Variants in AKAP6 observed in about 807,000 individuals in gnomAD.
AKAP6 encodes A-kinase anchor protein 6.
In AKAP6, 58 loss-of-function variants were observed where a neutral mutation model predicts 188.5. That is an observed-to-expected ratio of 0.31 (90% CI 0.25 to 0.38). AKAP6 has a LOEUF of 0.38. Ranked by LOEUF, AKAP6 falls within the 10% of genes least tolerant of loss-of-function variation. AKAP6 has a pLI of 1.00. For missense variants in AKAP6, 2,710 were observed against 2,740.0 expected, an observed-to-expected ratio of 0.99 and a Z score of 0.24; for synonymous variants, 989 against 998.6, an observed-to-expected ratio of 0.99 and a Z score of 0.18.
intron 4 of AKAP6, among the ~76,000 whole-genome samples, chr14:32,555,170 T>C (rs529351535): frequency 6.6e-6 from 1 of 152,244 alleles, no homozygotes; most frequent in Non-Finnish European, 1.5e-5. Context: ...TCTTCCTCTT[T>C]GTAACTAGAC....
intron 9 of AKAP6, chr14:32,718,273 A>G (rs2030333530): frequency 2.0e-6 from 2 of 985,356 alleles, no homozygotes; most frequent in Non-Finnish European, 2.4e-6. Context: ...AAAAAGAACA[A>G]TCCATTGAAA....
intron 9 of AKAP6, among the ~76,000 whole-genome samples, chr14:32,710,880 A>G (rs1227711616): frequency 6.6e-6 from 1 of 152,062 alleles, no homozygotes; most frequent in East Asian, 1.9e-4. Flanking sequence ...CCTACCACTC[A>G]TTTTTAAAAG....
chr14:32,803,585 G>A (rs117949719), intron 12 of AKAP6, among the ~76,000 whole-genome samples: 4,241 of 151,534 alleles, frequency 0.028, 92 homozygotes, highest in South Asian at 0.069. Context: ...ATTTTTTTTC[G>A]GAGATACTTC....
intron 12 of AKAP6, among the ~76,000 whole-genome samples, chr14:32,812,915 G>T (rs570121835): frequency 2.6e-4 from 40 of 152,298 alleles, no homozygotes; most frequent in Middle Eastern, 3.4e-3. Context: ...GACAGCAAAT[G>T]TGTGGGGTTT....
At chr14:32,753,393 G>A (rs556242146) in intron 11 of AKAP6, among the ~76,000 whole-genome samples, 13 of 152,086 alleles carry the variant, frequency 8.5e-5, no homozygotes, top group African/African-American at 2.6e-4. Flanking sequence ...TTGCTGTTTG[G>A]TTAAGTTCCT....
chr14:32,576,004 G>T (rs1473077293), intron 4 of AKAP6, among the ~76,000 whole-genome samples: 1 of 151,796 alleles, frequency 6.6e-6, no homozygotes, highest in Non-Finnish European at 1.5e-5. Flanking sequence ...TTTTTTTGAG[G>T]TAATCTAATT....
At chr14:32,566,875 T>C (rs73273472) in intron 4 of AKAP6, among the ~76,000 whole-genome samples, 17,774 of 152,182 alleles carry the variant, frequency 0.12, 1,156 homozygotes, top group East Asian at 0.17. Context: ...AGCACCTAAG[T>C]TCTTCTGGCT....
intron 5 of AKAP6, among the ~76,000 whole-genome samples, chr14:32,580,504 A>G (rs1476655438): frequency 6.6e-6 from 1 of 152,116 alleles, no homozygotes; most frequent in Non-Finnish European, 1.5e-5. Flanking sequence ...AGGTATATTT[A>G]ACACATAATA....
At chr14:32,792,778 A>G (rs1057218976) in intron 12 of AKAP6, among the ~76,000 whole-genome samples, 1 of 152,130 alleles carries the variant, frequency 6.6e-6, no homozygotes, top group Non-Finnish European at 1.5e-5. Context: ...TTATTATTTT[A>G]AGATATGTTT....
chr14:32,670,078 C>G (rs1178259436), intron 7 of AKAP6, among the ~76,000 whole-genome samples: 3 of 143,096 alleles, frequency 2.1e-5, no homozygotes, highest in Non-Finnish European at 4.5e-5. Context: ...GCCTGAGTGA[C>G]AGAGTGAGAC....
intron 7 of AKAP6, among the ~76,000 whole-genome samples, chr14:32,635,843 G>A (rs751294353): frequency 1.4e-4 from 22 of 152,060 alleles, no homozygotes; most frequent in Non-Finnish European, 2.2e-4. Flanking sequence ...ACCAAATAAT[G>A]GTAGAAGAGA....
rs148951563 is a variant in AKAP6, at chr14:32,525,195, A to C, written c.325-10359A>C. ...AGAATGACTAAGCAGTAGCTTGCTT[A>C]GAAAAACAATTTCTCCAGTGTACAA... is the stretch of plus-strand genomic sequence containing the variant. On this transcript the variant is annotated intron_variant, in intron 2 of 13. Coordinates refer to ENST00000280979, the MANE Select transcript of AKAP6 (RefSeq NM_004274.5). 4.7e-3 allele frequency among the ~76,000 whole-genome samples: 719 copies of C among 152,322 alleles called. 2 individuals are homozygous for C. The highest frequency in any genetic ancestry group is 9.1e-3 in the East Asian group (47 of 5,186).
At chr14:32,335,549 A>C (rs1032600084) in intron 1 of AKAP6, among the ~76,000 whole-genome samples, 4 of 152,190 alleles carry the variant, frequency 2.6e-5, no homozygotes, top group Non-Finnish European at 5.9e-5. Context: ...TGGCATGCAA[A>C]GGAACTCAGT....
Position 32,829,863 on chromosome 14 carries a change from A to G in AKAP6, c.*58A>G, listed in dbSNP as rs949698244. 1.4e-6 allele frequency: 1 copy of G among 701,782 alleles called. No homozygotes were observed. Among genetic ancestry groups the G allele is most frequent in the Admixed American group, 2.0e-5 (1 of 49,912 alleles). The allele number at this position is 701,782 out of a possible 1,614,324, so 43.5% of individuals were successfully genotyped here. ...TTTCTTGTAGATACGCCTGGCTGCAACTCAGGGGTGGCCTCATCCTCCCGC... is the reference window on the plus strand; with the variant it reads ...TTTCTTGTAGATACGCCTGGCTGCAGCTCAGGGGTGGCCTCATCCTCCCGC... On this transcript the variant is annotated 3_prime_UTR_variant, in exon 14 of 14. Coordinates refer to ENST00000280979, the MANE Select transcript of AKAP6 (RefSeq NM_004274.5).
chr14:32,678,522 T>G (rs897941893), intron 8 of AKAP6, 63 bp downstream of exon 8: 1 of 1,588,462 alleles, frequency 6.3e-7, no homozygotes, highest in Non-Finnish European at 8.6e-7. Context: ...GATTTTCCAC[T>G]GGTAGGTGTT....
At chr14:32,358,915 A>G (rs577533154) in intron 1 of AKAP6, among the ~76,000 whole-genome samples, 1 of 152,338 alleles carries the variant, frequency 6.6e-6, no homozygotes, top group East Asian at 1.9e-4. Flanking sequence ...GCTGCATCAG[A>G]GCAGAGCAGA....
At chr14:32,790,830 C>A (rs931987876) in intron 12 of AKAP6, among the ~76,000 whole-genome samples, 1 of 152,068 alleles carries the variant, frequency 6.6e-6, no homozygotes, top group Non-Finnish European at 1.5e-5. Context: ...CATGTGTTCT[C>A]ATTGTTCAGC....
At chr14:32,637,041 T>C (rs1166481981) in intron 7 of AKAP6, among the ~76,000 whole-genome samples, 2 of 151,866 alleles carry the variant, frequency 1.3e-5, no homozygotes, top group East Asian at 3.9e-4. Context: ...GTTAGGGAGG[T>C]AAAAAGTCCT....
At chr14:32,801,673 T>C (rs1300691685) in intron 12 of AKAP6, among the ~76,000 whole-genome samples, 4 of 152,234 alleles carry the variant, frequency 2.6e-5, no homozygotes, top group African/African-American at 7.2e-5. Flanking sequence ...TTTTAATATT[T>C]TTTGTAGGGC....
Sources: allele counts gnomAD v4.1 joint callset (sites outside exome capture counted in the v4.1 genomes callset), GRCh38; gene constraint gnomAD v4.1.1; transcripts MANE v1.5; gene names NCBI Gene and HGNC (gene_info 2026-07-23, HGNC 2026-07-21).